Variants in ME3 observed in about 807,000 individuals in gnomAD.
The protein encoded by ME3 is malic enzyme 3, also known as NADP-dependent malic enzyme, mitochondrial.
In ME3, 48 loss-of-function variants were observed where a neutral mutation model predicts 68.9. The observed-to-expected ratio is 0.70, with a 90% CI of 0.55 to 0.89. The LOEUF (loss-of-function observed/expected upper bound fraction) is 0.89. ME3 is among the 40% of genes least tolerant of loss of function. The pLI is 0.00. For synonymous variants in ME3, 320 were observed against 318.8 expected, an observed-to-expected ratio of 1.00 and a Z score of -0.04; for missense variants, 675 against 797.4, an observed-to-expected ratio of 0.85 and a Z score of 1.85.
chr11:86,496,405 C>CAAAAGAAAAG (rs61497313), intron 6 of ME3, among the ~76,000 whole-genome samples: 4 of 149,534 alleles, frequency 2.7e-5, no homozygotes, highest in East Asian at 2.0e-4. Flanking sequence ...GAGTCTGTCT[C>CAAAAGAAAAG]AAAAGAAAAG....
In ME3 at chr11:86,498,016, C is replaced by T. The variant is rs748257896; in HGVS notation, c.652G>A (p.Val218Met). ...ACAGGGAGGCACTGCTGCGGGTTCACCCCTCCGCATGCCGTGTACAGGGCC... is the reference window on the plus strand; with the variant it reads ...ACAGGGAGGCACTGCTGCGGGTTCATCCCTCCGCATGCCGTGTACAGGGCC... The change falls in exon 6 of 15, where the codon GTG (valine) becomes ATG (methionine). Residue 218 changes from valine to methionine, a missense_variant. By Grantham distance (21) the Val-to-Met change is conservative. Coordinates refer to ENST00000543262, the Ensembl canonical transcript of ME3. The T allele has an allele frequency of 8.7e-6, 14 of 1,612,954 alleles. No homozygotes were observed. The highest frequency in any genetic ancestry group is 1.3e-5 in the African/African-American group (1 of 74,880).
chr11:86,611,010 C>T (rs1186420967), intron 2 of ME3, among the ~76,000 whole-genome samples: 1 of 152,160 alleles, frequency 6.6e-6, no homozygotes, highest in Non-Finnish European at 1.5e-5. Flanking sequence ...ACTTCCTAGA[C>T]AGCGTTCTGA....
chr11:86,560,746 G>GTATATATATATATATATATATATA (rs1456434091), intron 2 of ME3, among the ~76,000 whole-genome samples: 2 of 90,280 alleles, frequency 2.2e-5, no homozygotes, highest in African/African-American at 4.8e-5. Flanking sequence ...GTGTGTGTGT[G>GTATATATATATATATATATATATA]TGTATATATA....
At chr11:86,505,889 G>A (rs1456271900) in intron 5 of ME3, among the ~76,000 whole-genome samples, 2 of 152,192 alleles carry the variant, frequency 1.3e-5, no homozygotes, top group Non-Finnish European at 2.9e-5. Context: ...ACTCACCTGT[G>A]TACTCTGCGG....
chr11:86,650,612 T>C (rs150461722), intron 2 of ME3, among the ~76,000 whole-genome samples: 14 of 151,932 alleles, frequency 9.2e-5, no homozygotes, highest in Non-Finnish European at 1.6e-4. Context: ...AAATTTACAA[T>C]GGGAAGTCAA....
intron 2 of ME3, among the ~76,000 whole-genome samples, chr11:86,603,537 C>T (rs9667489): frequency 0.19 from 29,617 of 152,028 alleles, 3,060 homozygotes; most frequent in African/African-American, 0.23. Context: ...GACAGTGTGG[C>T]GATTCCTCAG....
intron 2 of ME3, among the ~76,000 whole-genome samples, chr11:86,627,177 C>G (rs947371389): frequency 2.0e-5 from 3 of 152,186 alleles, no homozygotes; most frequent in Admixed American, 1.3e-4. Flanking sequence ...ATTTGGTTTT[C>G]TATTCTGAAA....
chr11:86,655,566 T>A (rs973714139), intron 2 of ME3, among the ~76,000 whole-genome samples: 2 of 152,086 alleles, frequency 1.3e-5, no homozygotes, highest in Non-Finnish European at 2.9e-5. Flanking sequence ...TGAAACTGGA[T>A]CGCTTCCTTA....
chr11:86,534,467 G>A (rs1053339298), intron 4 of ME3, among the ~76,000 whole-genome samples: 1 of 152,066 alleles, frequency 6.6e-6, no homozygotes, highest in African/African-American at 2.4e-5. Context: ...CTGAGGTCAG[G>A]CATTCGAGAC....
intron 2 of ME3, among the ~76,000 whole-genome samples, chr11:86,579,792 C>T (rs918571124): frequency 6.6e-6 from 1 of 152,120 alleles, no homozygotes; most frequent in Non-Finnish European, 1.5e-5. Flanking sequence ...GTGATAGTGA[C>T]CTAATGCAGA....
intron 2 of ME3, among the ~76,000 whole-genome samples, chr11:86,644,942 C>G (rs1465643644): frequency 6.6e-6 from 1 of 152,144 alleles, no homozygotes; most frequent in Non-Finnish European, 1.5e-5. Flanking sequence ...ATCGCCTCAC[C>G]TGGGAAGTGC....
At chr11:86,447,012 T>A in intron 12 of ME3, 53 bp downstream of exon 12, 1 of 1,591,870 alleles carries the variant, frequency 6.3e-7, no homozygotes. Context: ...GGTTACTCAT[T>A]GTAATTGTTA....
chr11:86,513,504 T>G (rs1953683782), intron 4 of ME3, among the ~76,000 whole-genome samples: 1 of 152,186 alleles, frequency 6.6e-6, no homozygotes, highest in South Asian at 2.1e-4. Context: ...ACACAGCTCA[T>G]AAGCAGCTGG....
At chr11:86,449,981 G>T in exon 10 of ME3, 1 of 1,613,760 alleles carries the variant, frequency 6.2e-7, no homozygotes, top group Non-Finnish European at 8.5e-7. Context: ...ATGACAAGGA[G>T]GTGGGCAATG....
At chr11:86,595,396 G>A (rs954896996) in intron 2 of ME3, among the ~76,000 whole-genome samples, 3 of 142,770 alleles carry the variant, frequency 2.1e-5, no homozygotes, top group Non-Finnish European at 4.5e-5. Flanking sequence ...GACTTATAAG[G>A]TAAATACTAG....
intron 2 of ME3, among the ~76,000 whole-genome samples, chr11:86,619,797 A>T (rs892481698): frequency 6.6e-6 from 1 of 152,238 alleles, no homozygotes; most frequent in African/African-American, 2.4e-5. Flanking sequence ...AGTTGTCAAC[A>T]TGATACCTTT....
chr11:86,609,742 A>T (rs1437735618), intron 2 of ME3, among the ~76,000 whole-genome samples: 1 of 152,218 alleles, frequency 6.6e-6, no homozygotes, highest in East Asian at 1.9e-4. Flanking sequence ...TAATAGCAAA[A>T]AATTGGGAAC....
At chr11:86,647,472 G>T (rs145269399) in intron 2 of ME3, among the ~76,000 whole-genome samples, 1 of 147,774 alleles carries the variant, frequency 6.8e-6, no homozygotes. Flanking sequence ...GAGACACAGC[G>T]AGACTCCATC....
intron 4 of ME3, 66 bp downstream of exon 4, chr11:86,556,487 G>A (rs1188331145): frequency 7.1e-6 from 11 of 1,539,598 alleles, no homozygotes; most frequent in Non-Finnish European, 8.8e-6. Context: ...TGCATGAAGG[G>A]CGGAAAGAAT....
Sources: gnomAD v4.1 joint callset for allele counts (sites outside exome capture counted in the v4.1 genomes callset) on GRCh38, gnomAD v4.1.1 for gene constraint, MANE v1.5 for transcripts, NCBI Gene and HGNC (gene_info 2026-07-23, HGNC 2026-07-21) for gene names.